Variants in RAB4A observed in about 807,000 individuals in gnomAD.
RAB4A encodes the protein RAB4A, member RAS oncogene family.
A neutral mutation model predicts 34.5 loss-of-function variants in RAB4A; 20 were observed. That is an observed-to-expected ratio of 0.58 (90% CI 0.41 to 0.84). The LOEUF (loss-of-function observed/expected upper bound fraction) is 0.84, where lower values mean the gene tolerates loss of function less well. RAB4A is among the 40% of genes least tolerant of loss of function. The pLI is 0.00. For missense variants in RAB4A, 228 were observed against 274.5 expected (o/e 0.83, Z 1.20); for synonymous variants, 102 against 100.0 (o/e 1.02, Z -0.12).
chr1:229,291,494 G>A (rs755846736), intron 3 of RAB4A, among the ~76,000 whole-genome samples: 54 of 152,198 alleles, frequency 3.5e-4, no homozygotes, highest in Non-Finnish European at 1.2e-4. Flanking sequence ...AAGAGCTCAC[G>A]ACTCTGTCAG....
intron 3 of RAB4A, among the ~76,000 whole-genome samples, chr1:229,294,807 G>A (rs1428053869): frequency 6.6e-6 from 1 of 152,184 alleles, no homozygotes; most frequent in Non-Finnish European, 1.5e-5. Context: ...TCTAGCCTGG[G>A]TAACGAGCGA....
rs769141687 is a variant in RAB4A at position 229,302,843 on chromosome 1, A to C, written c.542-19A>C. On this transcript the variant is annotated intron_variant, in intron 6 of 7. Coordinates refer to ENST00000366690, the MANE Select transcript of RAB4A (RefSeq NM_004578.4). ...AAACATAAAAGCCTTTTTTAAAAGA[A>C]GACTTGCTTGGTCCTTAGGTGAGCT... 3 of 1,548,364 alleles carry C rather than the reference A, an allele frequency of 1.9e-6. No homozygotes were observed. The African/African-American group carries it at 4.2e-5, about 21-fold the overall frequency.
Position 229,305,302 on chromosome 1 carries a change from A to G in RAB4A, c.*1509A>G. ...TTTTATTCAATGTCTCATTTATGAT[A>G]GATTTGCAAGCTGCTCATTTTTGAA... On this transcript the variant is annotated 3_prime_UTR_variant, in exon 8 of 8. Transcript: ENST00000366690. The G allele has an allele frequency of 3.8e-6, 6 of 1,586,692 alleles. No individual in the cohort carries two copies. Among genetic ancestry groups the G allele is most frequent in the Non-Finnish European group, 5.1e-6 (6 of 1,169,678 alleles).
chr1:229,302,306 TATA>T (rs1455463875), intron 6 of RAB4A, among the ~76,000 whole-genome samples: 71 of 23,584 alleles, frequency 3.0e-3, no homozygotes, highest in Non-Finnish European at 3.5e-3. Context: ...TATATATATA[TATA>T]TTTTTTTTTT....
intron 3 of RAB4A, 99 bp downstream of exon 3, chr1:229,288,942 AC>A (rs1164632269): frequency 6.9e-6 from 5 of 725,206 alleles, no homozygotes; most frequent in Non-Finnish European, 1.2e-5. Flanking sequence ...TCCCCAACAC[AC>A]CCCTTCCTTG....
intron 4 of RAB4A, 147 bp downstream of exon 4, chr1:229,296,057 C>G (rs2102852256): frequency 1.4e-6 from 1 of 690,044 alleles, no homozygotes; most frequent in Non-Finnish European, 2.4e-6. Flanking sequence ...CTTAGCCCTT[C>G]CATCTGGGGT....
intron 1 of RAB4A, among the ~76,000 whole-genome samples, chr1:229,280,934 C>G (rs1011880426): frequency 1.3e-5 from 2 of 152,150 alleles, no homozygotes; most frequent in African/African-American, 4.8e-5. Flanking sequence ...GAGATACATT[C>G]CAGGTTATTG....
Position 229,304,881 on chromosome 1 carries a change from A to C in RAB4A, c.*1088A>C. 1 of 266,394 alleles carries C rather than the reference A, an allele frequency of 3.8e-6. No individual in the cohort carries two copies. The highest frequency in any genetic ancestry group is 9.6e-5 in the East Asian group (1 of 10,434). 16.5% of individuals were successfully genotyped at this position (266,394 alleles called of 1,614,324 possible). On this transcript the variant is annotated 3_prime_UTR_variant, in exon 8 of 8. Coordinates refer to ENST00000366690, the MANE Select transcript of RAB4A (RefSeq NM_004578.4). ...GTATATTGGGTATATTGAAGTATAT[A>C]TTGTATTACAAAGACTTGTTCTTGT...
intron 1 of RAB4A, 73 bp from the exon 2 acceptor site, chr1:229,286,413 G>T: frequency 1.1e-6 from 1 of 885,280 alleles, no homozygotes; most frequent in Non-Finnish European, 1.7e-6. Context: ...TACTAAATTT[G>T]ATGATCGTGA....
rs1220505804 is a variant in RAB4A, at chr1:229,288,753, TAGG to T, written c.140_142del (p.Gly47del). 2.5e-6 allele frequency: 4 copies of T among 1,572,900 alleles called. No homozygotes were observed. The Admixed American group carries it at 5.1e-5, about 20-fold the overall frequency. ...GTCAAAGATGACTCAAATCATACAA[TAGG>T]AGTGGAATTTGGTTCAAAGATAATA... On this transcript the variant is annotated inframe_deletion, in exon 3 of 8. Coordinates refer to ENST00000366690, the MANE Select transcript of RAB4A (RefSeq NM_004578.4).
chr1:229,295,390 T>C (rs1657221194), intron 3 of RAB4A, among the ~76,000 whole-genome samples: 1 of 152,012 alleles, frequency 6.6e-6, no homozygotes, highest in Non-Finnish European at 1.5e-5. Flanking sequence ...TGCAGGTGGG[T>C]GTAGGGCCGT....
intron 6 of RAB4A, among the ~76,000 whole-genome samples, chr1:229,302,290 TATATATATATA>T (rs1282463507): frequency 7.3e-4 from 18 of 24,544 alleles, no homozygotes; most frequent in African/African-American, 3.1e-3. Flanking sequence ...TATATATATA[TATATATATATA>T]TATATATATT....
chr1:229,297,655 C>A lies in RAB4A; in HGVS notation c.445+19C>A. 1 of 1,547,214 alleles carries A rather than the reference C, an allele frequency of 6.5e-7. No homozygotes were observed. The highest frequency in any genetic ancestry group is 8.7e-7 in the Non-Finnish European group (1 of 1,149,852). ...GAAAATGGCAAGTGACCTTTTACTT[C>A]TTACTATTTTTCAAATCGCATATTT... On this transcript the variant is annotated intron_variant, in intron 5 of 7. Transcript: ENST00000366690.
At chr1:229,299,766 G>A (rs1447015400) in intron 6 of RAB4A, among the ~76,000 whole-genome samples, 1 of 152,100 alleles carries the variant, frequency 6.6e-6, no homozygotes, top group African/African-American at 2.4e-5. Flanking sequence ...TGCCCCCCAA[G>A]AAACTGTCTT....
At chr1:229,283,727 G>A (rs929360995) in intron 1 of RAB4A, among the ~76,000 whole-genome samples, 1 of 149,696 alleles carries the variant, frequency 6.7e-6, no homozygotes, top group African/African-American at 2.5e-5. Flanking sequence ...CTCTTTCAGA[G>A]TCTTTTTTTT....
Position 229,284,289 on chromosome 1 carries a change from G to A in RAB4A, c.32-2197G>A, listed in dbSNP as rs1296175928. 4.6e-5 allele frequency among the ~76,000 whole-genome samples: 7 copies of A among 151,502 alleles called. No homozygotes were observed. The East Asian group carries it at 7.8e-4, about 17-fold the overall frequency. On this transcript the variant is annotated intron_variant, in intron 1 of 7. Coordinates refer to ENST00000366690, the MANE Select transcript of RAB4A (RefSeq NM_004578.4). ...TCATTGTTGTATTTTTAGTAGAGAC[G>A]GGGGTTTCGCTGTTGGCCGGGCTGG...
intron 2 of RAB4A, among the ~76,000 whole-genome samples, chr1:229,286,866 C>T (rs556214838): frequency 8.5e-5 from 13 of 152,288 alleles, no homozygotes; most frequent in African/African-American, 3.1e-4. Flanking sequence ...CCTGACAGAG[C>T]AGCCAGAGAA....
chr1:229,298,156 G>A (rs1657294373), intron 5 of RAB4A, among the ~76,000 whole-genome samples: 1 of 152,154 alleles, frequency 6.6e-6, no homozygotes, highest in African/African-American at 2.4e-5. Flanking sequence ...TAATGGATAA[G>A]AGAATGATTT....
chr1:229,286,602 G>T, intron 2 of RAB4A, 36 bp downstream of exon 2: 2 of 1,306,072 alleles, frequency 1.5e-6, no homozygotes, highest in Non-Finnish European at 2.1e-6. Context: ...TTCCGTGCAT[G>T]TCTTCTGAGA....
Sources: allele counts gnomAD v4.1 joint callset (sites outside exome capture counted in the v4.1 genomes callset), GRCh38; gene constraint gnomAD v4.1.1; transcripts MANE v1.5; gene names NCBI Gene and HGNC (gene_info 2026-07-23, HGNC 2026-07-21).